The following SLC25A22 variants were observed in gnomAD, a reference collection of about 807,000 sequenced individuals.
SLC25A22 encodes mitochondrial glutamate carrier 1.
In SLC25A22, 23 loss-of-function variants were observed where a neutral mutation model predicts 33.7. The ratio of observed to expected loss-of-function variants is 0.68; its 90% confidence interval spans 0.49 to 0.97. The LOEUF (loss-of-function observed/expected upper bound fraction) is 0.97, where lower values mean the gene tolerates loss of function less well. Among genes scored for constraint, SLC25A22 ranks in the 50% least tolerant of loss-of-function variants. The pLI is 0.00. For missense variants in SLC25A22, 390 were observed against 451.1 expected, an observed-to-expected ratio of 0.86 and a Z score of 1.23; for synonymous variants, 245 against 203.8, an observed-to-expected ratio of 1.20 and a Z score of -1.72.
Position 798,242 on chromosome 11 carries a change from G to C in SLC25A22, c.-189C>G. On this transcript the variant is annotated 5_prime_UTR_variant, in exon 1 of 10. Coordinates refer to ENST00000628067, the MANE Select transcript of SLC25A22 (RefSeq NM_001191061.2). ...CACGCTCGCCGCCGCCGCCGCGCTC[G>C]CCTGCCCGCCCCGCGCTCGGCCAGC... The C allele has an allele frequency of 2.5e-6, 1 of 392,262 alleles. No individual in the cohort carries two copies. Among genetic ancestry groups the C allele is most frequent in the Non-Finnish European group, 4.5e-6 (1 of 222,118 alleles). 24.3% of individuals were successfully genotyped at this position (392,262 alleles called of 1,614,324 possible).
chr11:794,757 G>A lies in SLC25A22; in HGVS notation c.146+19C>T, dbSNP rs767448704. On this transcript the variant is annotated intron_variant, in intron 3 of 9. Transcript: ENST00000628067. ...GCCACATGCTGGGCCCACTCCCCGC[G>A]ACCGCCCGGCACACTCACATGCTCG... The A allele has an allele frequency of 5.0e-6, 8 of 1,593,592 alleles. No individual in the cohort carries two copies. The highest frequency in any genetic ancestry group is 3.5e-5 in the Admixed American group (2 of 57,384).
In SLC25A22 at chr11:794,973, G is replaced by T. The variant is rs1026535744; in HGVS notation, c.20+14C>A. ...GGGTGGGGGTGAGGCACGCAGCCAG[G>T]ACTGGAGTCTGACCTGATCTGCTTA... On this transcript the variant is annotated intron_variant, in intron 2 of 9. Transcript: ENST00000628067. 6.4e-7 allele frequency: 1 copy of T among 1,561,210 alleles called. No individual in the cohort carries two copies. Among genetic ancestry groups the T allele is most frequent in the South Asian group, 1.2e-5 (1 of 84,726 alleles).
At position 791,997 on chromosome 11, in the gene SLC25A22, G is replaced by A. The variant is rs1421539215; in HGVS notation, c.890C>T (p.Pro297Leu). ...GAYCRALVIA[P>L]LFGIAQVVYF... ...GACCACCTGTGCGATGCCGAAAAGGGGCGCGATGACCAGCGCGCGGCAGTA... is the reference window on the plus strand; with the variant it reads ...GACCACCTGTGCGATGCCGAAAAGGAGCGCGATGACCAGCGCGCGGCAGTA... Residue 297 changes from proline (P) to leucine (L), a missense_variant, in exon 10 of 10, where the codon CCC becomes CTC. Physicochemically the swap from Pro to Leu is moderately conservative, Grantham distance 98. Coordinates refer to ENST00000628067, the MANE Select transcript of SLC25A22 (RefSeq NM_001191061.2). 1 of 1,609,336 alleles carries A rather than the reference G, an allele frequency of 6.2e-7. No individual in the cohort carries two copies. The highest frequency in any genetic ancestry group is 8.5e-7 in the Non-Finnish European group (1 of 1,178,904).
intron 6 of SLC25A22, 66 bp from the exon 7 acceptor site, chr11:792,793 C>A (rs1278701000): frequency 2.6e-5 from 40 of 1,550,192 alleles, no homozygotes; most frequent in Non-Finnish European, 3.4e-5. Context: ...CTCTGGCCCT[C>A]CCTGCGTCCC....
intron 1 of SLC25A22, chr11:796,297 G>A (rs1344096169): frequency 2.0e-5 from 3 of 151,966 alleles, no homozygotes; most frequent in Non-Finnish European, 4.4e-5. Context: ...TGGCCGTGGG[G>A]CGGGGTGGGG....
chr11:795,099 G>A lies in SLC25A22; in HGVS notation c.-93C>T. ...GTGGAGGAGGCCTTGAGGGAGGGTG[G>A]GACCCAGGGGGGTTGGGTGGTGCTC... On this transcript the variant is annotated 5_prime_UTR_variant, in exon 2 of 10. Transcript: ENST00000628067. 1.4e-6 allele frequency: 2 copies of A among 1,432,780 alleles called. No individual in the cohort carries two copies. The highest frequency in any genetic ancestry group is 1.9e-6 in the Non-Finnish European group (2 of 1,048,660). The allele number at this position is 1,432,780 out of a possible 1,614,324, so 88.8% of individuals were successfully genotyped here.
intron 1 of SLC25A22, chr11:795,371 C>G: frequency 1.1e-5 from 3 of 260,962 alleles, no homozygotes; most frequent in South Asian, 2.9e-5. Context: ...TTTCAGTCCC[C>G]CCCTCCCCAC....
rs758155200 is a variant in SLC25A22, at chr11:794,495, C to T, written c.165G>A (p.Lys55=). 3.7e-6 allele frequency: 6 copies of T among 1,612,826 alleles called. No individual in the cohort carries two copies. Among genetic ancestry groups the T allele is most frequent in the African/African-American group, 1.3e-5 (1 of 74,926 alleles). Residue 55 remains lysine (K), a synonymous_variant, in exon 4 of 10, where the codon AAG becomes AAA. Coordinates refer to ENST00000628067, the MANE Select transcript of SLC25A22 (RefSeq NM_001191061.2). ...VYTSMSDCLI[K]TVRSEGYFGM... ...CGAAGTAGCCCTCGGAGCGGACGGTCTTGATGAGGCAGTCGGACCTGTGGC... is the reference window on the plus strand; with the variant it reads ...CGAAGTAGCCCTCGGAGCGGACGGTTTTGATGAGGCAGTCGGACCTGTGGC...
chr11:797,835 TG>T, intron 1 of SLC25A22: 1 of 398,668 alleles, frequency 2.5e-6, no homozygotes, highest in Non-Finnish European at 4.4e-6. Context: ...GCCCTACTGC[TG>T]GGGCTCAGCC....
chr11:794,487 C>G lies in SLC25A22; in HGVS notation c.173G>C (p.Arg58Pro). 1 of 1,612,998 alleles carries G rather than the reference C, an allele frequency of 6.2e-7. No homozygotes were observed. Among genetic ancestry groups the G allele is most frequent in the Non-Finnish European group, 8.5e-7 (1 of 1,179,880 alleles). Residue 58 changes from arginine to proline, a missense_variant, in exon 4 of 10, where the codon CGC (arginine) becomes CCC (proline). Physicochemically the swap from Arg to Pro is moderately radical, Grantham distance 103. Transcript: ENST00000628067. Reference sequence around the variant, plus strand: ...GTACATGCCGAAGTAGCCCTCGGAGCGGACGGTCTTGATGAGGCAGTCGGA... The same window carrying G: ...GTACATGCCGAAGTAGCCCTCGGAGGGGACGGTCTTGATGAGGCAGTCGGA... ...SMSDCLIKTV[R>P]SEGYFGMYRG...
chr11:792,883 A>C lies in SLC25A22; in HGVS notation c.399T>G (p.Asp133Glu). ...CCCCGCCCTCACCAATGCGCCCTGCATCCTGCAGCTGGATCTTCAGCATCT... is the reference window on the plus strand; with the variant it reads ...CCCCGCCCTCACCAATGCGCCCTGCCTCCTGCAGCTGGATCTTCAGCATCT... ...PMEMLKIQLQ[D>E]AGRIAAQRKI... The change falls in exon 6 of 10, where the codon GAT becomes GAG. Residue 133 changes from aspartate to glutamate, a missense_variant. Transcript: ENST00000628067. The C allele has an allele frequency of 1.4e-6, 2 of 1,425,340 alleles. No homozygotes were observed. The highest frequency in any genetic ancestry group is 1.9e-6 in the Non-Finnish European group (2 of 1,063,828). 88.3% of individuals were successfully genotyped at this position (1,425,340 alleles called of 1,614,324 possible).
chr11:793,068 C>A (rs116352574), intron 5 of SLC25A22, 80 bp from the exon 6 acceptor site: 5 of 1,373,460 alleles, frequency 3.6e-6, no homozygotes, highest in Non-Finnish European at 3.1e-6. Flanking sequence ...CATGCCTGGG[C>A]GCAGAGGATG....
intron 4 of SLC25A22, chr11:794,036 C>A: frequency 2.1e-6 from 1 of 478,186 alleles, no homozygotes; most frequent in Admixed American, 3.1e-5. Context: ...TGTGGAGAGC[C>A]CCCATCTCAG....
intron 5 of SLC25A22, 114 bp downstream of exon 5, chr11:793,415 A>T: frequency 1.0e-6 from 1 of 998,392 alleles, no homozygotes; most frequent in Non-Finnish European, 1.5e-6. Flanking sequence ...AAGAAGCCCC[A>T]AGCAAGGGGC....
At chr11:795,355 G>GCTTC in intron 1 of SLC25A22, 186 bp from the exon 2 acceptor site, 2 of 432,368 alleles carry the variant, frequency 4.6e-6, no homozygotes, top group Non-Finnish European at 4.2e-6. Flanking sequence ...GGACCACCTG[G>GCTTC]CTTCCTTTCA....
intron 1 of SLC25A22, 140 bp downstream of exon 1, chr11:798,077 C>G (rs995266137): frequency 5.0e-6 from 2 of 398,258 alleles, no homozygotes; most frequent in Non-Finnish European, 8.9e-6. Flanking sequence ...TCCGCTGGTC[C>G]AGGACCCCCC....
rs143320809 is a variant in SLC25A22, at chr11:791,571, A to G, written c.*344T>C. 3.3e-4 allele frequency: 120 copies of G among 360,666 alleles called. No homozygotes were observed. The highest frequency in any genetic ancestry group is 2.2e-3 in the African/African-American group (104 of 47,792). The allele number at this position is 360,666 out of a possible 1,614,324, so 22.3% of individuals were successfully genotyped here. The stretch of plus-strand genomic sequence containing the variant: ...AGACTGGAGCTGGTGGACTGGGGGT[A>G]TGGTCCAGCCTGCCCGGCCCAGGCC... On this transcript the variant is annotated 3_prime_UTR_variant, in exon 10 of 10. Coordinates refer to ENST00000628067, the MANE Select transcript of SLC25A22 (RefSeq NM_001191061.2).
At chr11:794,696 G>T (rs547683838) in intron 3 of SLC25A22, 80 bp downstream of exon 3, 8 of 1,546,918 alleles carry the variant, frequency 5.2e-6, no homozygotes, top group East Asian at 2.4e-5. Flanking sequence ...CAAACAGGGT[G>T]GGGGGCACAG....
Position 792,236 on chromosome 11 carries a change from T to C in SLC25A22, c.743-19A>G, listed in dbSNP as rs1186496453. 6.2e-7 allele frequency: 1 copy of C among 1,612,838 alleles called. No homozygotes were observed. The highest frequency in any genetic ancestry group is 1.3e-5 in the African/African-American group (1 of 74,982). On this transcript the variant is annotated intron_variant, in intron 8 of 9. Coordinates refer to ENST00000628067, the MANE Select transcript of SLC25A22 (RefSeq NM_001191061.2). ...TTCACCACTGCAAGGGGCGCTCGGGTCAGTGTGAGCCTGGCCAAGGGCTCA... is the reference window on the plus strand; with the variant it reads ...TTCACCACTGCAAGGGGCGCTCGGGCCAGTGTGAGCCTGGCCAAGGGCTCA...
Sources: allele counts gnomAD v4.1 joint callset, GRCh38; gene constraint gnomAD v4.1.1; transcripts MANE v1.5; gene names NCBI Gene and HGNC (gene_info 2026-07-23, HGNC 2026-07-21).